MCU: variants seen among roughly 807,000 people sequenced by gnomAD.
MCU encodes the protein calcium uniporter protein, mitochondrial.
In MCU, 12 loss-of-function variants were observed where a neutral mutation model predicts 45.2. The ratio of observed to expected loss-of-function variants is 0.27; its 90% CI spans 0.17 to 0.43. MCU has a LOEUF of 0.43. Among genes scored for constraint, MCU ranks in the 20% least tolerant of loss-of-function variants. The pLI is 1.00. For missense variants in MCU, 324 were observed against 436.7 expected (o/e 0.74, Z 2.30); for synonymous variants, 160 against 165.1 (o/e 0.97, Z 0.24).
At chr10:72,862,232 C>T (rs1411463581) in intron 4 of MCU, among the ~76,000 whole-genome samples, 7 of 152,000 alleles carry the variant, frequency 4.6e-5, no homozygotes, top group Non-Finnish European at 8.8e-5. Flanking sequence ...CTGCCCGCCT[C>T]GGCCTCCCAA....
chr10:72,763,622 C>T (rs912991714), intron 1 of MCU, among the ~76,000 whole-genome samples: 7 of 152,086 alleles, frequency 4.6e-5, no homozygotes, highest in Non-Finnish European at 1.0e-4. Flanking sequence ...GCATACTGTG[C>T]TTTACAGCTT....
Position 72,725,477 on chromosome 10 carries a change from T to G in MCU, c.150+33176T>G, listed in dbSNP as rs529369960. Among the ~76,000 whole-genome samples, 19 of 150,722 alleles carry G rather than the reference T, an allele frequency of 1.3e-4. No individual in the cohort carries two copies. In the South Asian group the frequency reaches 3.0e-3, roughly 24 times the overall value. ...TTTATGGAGATGGAGTCCCACTATG[T>G]TGCCTAAGCTGGTCTCTAACTCCTG... On this transcript the variant is annotated intron_variant, in intron 1 of 7. Coordinates refer to ENST00000373053, the MANE Select transcript of MCU (RefSeq NM_138357.3).
At chr10:72,725,683 C>T (rs1208048779) in intron 1 of MCU, among the ~76,000 whole-genome samples, 10 of 168 alleles carry the variant, frequency 0.06, no homozygotes, top group East Asian at 0.5. Flanking sequence ...AAGGTCAGTT[C>T]GAGACCAGCT....
At chr10:72,884,900 A>G (rs892743489) in intron 7 of MCU, among the ~76,000 whole-genome samples, 8 of 152,176 alleles carry the variant, frequency 5.3e-5, no homozygotes, top group African/African-American at 1.9e-4. Context: ...ACCTCTTTCA[A>G]ATTTCTGGAT....
chr10:72,821,230 T>G (rs1436028807), intron 1 of MCU, among the ~76,000 whole-genome samples: 1 of 152,114 alleles, frequency 6.6e-6, no homozygotes, highest in Non-Finnish European at 1.5e-5. Flanking sequence ...GACTTTTTTT[T>G]TTTTTTTTAA....
At chr10:72,817,303 C>G (rs1219416198) in intron 1 of MCU, among the ~76,000 whole-genome samples, 1 of 152,192 alleles carries the variant, frequency 6.6e-6, no homozygotes, top group Non-Finnish European at 1.5e-5. Context: ...AACCTTTAAT[C>G]AGTTCCATTT....
chr10:72,846,133 C>T (rs1711874736), intron 2 of MCU, among the ~76,000 whole-genome samples: 1 of 152,176 alleles, frequency 6.6e-6, no homozygotes, highest in South Asian at 2.1e-4. Context: ...ACCTCTGCCT[C>T]CCAGGTTCAA....
chr10:72,756,209 A>C (rs972362405), intron 1 of MCU, among the ~76,000 whole-genome samples: 6 of 151,560 alleles, frequency 4.0e-5, no homozygotes, highest in African/African-American at 1.5e-4. Context: ...CTGGTCTTGA[A>C]CTCGTGAGCT....
intron 2 of MCU, among the ~76,000 whole-genome samples, chr10:72,848,502 CCT>C (rs1670617286): frequency 6.6e-6 from 1 of 152,080 alleles, no homozygotes; most frequent in Non-Finnish European, 1.5e-5. Context: ...CTAACCCACT[CCT>C]ATGATAATGG....
At position 72,740,350 on chromosome 10, in the gene MCU, GC is replaced by G. The variant is rs1680463432; in HGVS notation, c.150+48051del. Among the ~76,000 whole-genome samples, 2 of 150,048 alleles carry G rather than the reference GC, an allele frequency of 1.3e-5. 1 individual carries two copies. The highest frequency in any genetic ancestry group is 4.2e-4 in the South Asian group (2 of 4,782). On this transcript the variant is annotated intron_variant, in intron 1 of 7. Coordinates refer to ENST00000373053, the MANE Select transcript of MCU (RefSeq NM_138357.3). Reference sequence around the variant, plus strand: ...GCCAAGATCACACCACTGCACTCCAGCCTGACAACAGAGTGAGACTCTGTCT... The same window carrying G: ...GCCAAGATCACACCACTGCACTCCAGCTGACAACAGAGTGAGACTCTGTCT...
chr10:72,787,088 T>C (rs1429864848), intron 1 of MCU, among the ~76,000 whole-genome samples: 1 of 152,254 alleles, frequency 6.6e-6, no homozygotes, highest in Non-Finnish European at 1.5e-5. Context: ...ATTATTTTCA[T>C]GTTAAGCTAA....
Position 72,805,206 on chromosome 10 carries a change from CTTCCT to C in MCU, c.151-29135_151-29131del, listed in dbSNP as rs145012643. ...CCTTCCTTCCTTCCTTCCTTCCTTT[CTTCCT>C]TTCCTTTCCTTTCCTTTTTCCTTTC... is the stretch of plus-strand genomic sequence containing the variant. On this transcript the variant is annotated intron_variant, in intron 1 of 7. Coordinates refer to ENST00000373053, the MANE Select transcript of MCU (RefSeq NM_138357.3). Among the ~76,000 whole-genome samples, 193 of 140,010 alleles carry C rather than the reference CTTCCT, an allele frequency of 1.4e-3. 5 individuals carry two copies. In the East Asian group the frequency reaches 0.024, roughly 17 times the overall value. 91.9% of individuals were successfully genotyped at this position (140,010 alleles called of 152,430 possible). A position where few individuals can be genotyped will look rare whatever the true frequency, so the allele number is the denominator to read the frequency against.
intron 1 of MCU, among the ~76,000 whole-genome samples, chr10:72,719,203 G>A (rs1842989744): frequency 6.6e-6 from 1 of 152,194 alleles, no homozygotes; most frequent in Admixed American, 6.5e-5. Flanking sequence ...TAAAGGATAT[G>A]TAGAGAACCA....
At position 72,752,885 on chromosome 10, in the gene MCU, T is replaced by C. The variant is rs1843523037; in HGVS notation, c.150+60584T>C. 2.0e-5 allele frequency among the ~76,000 whole-genome samples: 3 copies of C among 152,194 alleles called. 1 individual carries two copies. Among genetic ancestry groups the C allele is most frequent in the Admixed American group, 2.0e-4 (3 of 15,270 alleles). Reference sequence around the variant, plus strand: ...CAAGGTCAAATATTCATTTTGAAGTTGAAATGAATCAACAGGCAGTCTCTG... The same window carrying C: ...CAAGGTCAAATATTCATTTTGAAGTCGAAATGAATCAACAGGCAGTCTCTG... On this transcript the variant is annotated intron_variant, in intron 1 of 7. Coordinates refer to ENST00000373053, the MANE Select transcript of MCU (RefSeq NM_138357.3).
intron 1 of MCU, among the ~76,000 whole-genome samples, chr10:72,714,794 C>CT (rs1842938730): frequency 1.3e-5 from 2 of 152,150 alleles, no homozygotes; most frequent in African/African-American, 4.8e-5. Flanking sequence ...TCTGCCCCCC[C>CT]CTTGGCCTCC....
chr10:72,859,420 C>T (rs534256598), intron 3 of MCU, 73 bp downstream of exon 3: 2 of 1,378,320 alleles, frequency 1.5e-6, no homozygotes, highest in Non-Finnish European at 1.0e-6. Context: ...CACATACATA[C>T]ACCACACACG....
chr10:72,824,372 ATTTTTTTT>A (rs66765142), intron 1 of MCU, among the ~76,000 whole-genome samples: 37 of 133,656 alleles, frequency 2.8e-4, no homozygotes, highest in Non-Finnish European at 2.3e-4. Context: ...AATTTTTTGT[ATTTTTTTT>A]TTTTTTTTTT....
chr10:72,692,894 C>T, intron 1 of MCU: 1 of 1,480,676 alleles, frequency 6.8e-7, no homozygotes, highest in South Asian at 1.3e-5. Flanking sequence ...TGTGTGTGTG[C>T]ATGGGGAACC....
chr10:72,729,786 T>G (rs1843146685), intron 1 of MCU, among the ~76,000 whole-genome samples: 1 of 152,208 alleles, frequency 6.6e-6, no homozygotes, highest in Middle Eastern at 3.4e-3. Flanking sequence ...GTTGGGAGGC[T>G]CTCTCGTGCA....
Sources: allele counts gnomAD v4.1 joint callset (sites outside exome capture counted in the v4.1 genomes callset), GRCh38; gene constraint gnomAD v4.1.1; transcripts MANE v1.5; gene names NCBI Gene and HGNC (gene_info 2026-07-23, HGNC 2026-07-21).